The following SEPHS1 variants were observed in gnomAD, a reference collection of about 807,000 sequenced individuals.
The protein encoded by SEPHS1 is selenophosphate synthetase 1, also known as zincore component SEPHS1.
Under a neutral mutation model 39.2 loss-of-function variants are expected in SEPHS1, and 7 were observed. The observed-to-expected ratio is 0.18, with a 90% CI of 0.10 to 0.34. The LOEUF (loss-of-function observed/expected upper bound fraction) is 0.34, where lower values mean the gene tolerates loss of function less well. SEPHS1 is among the 10% of genes least tolerant of loss of function. The pLI is 1.00. For missense variants in SEPHS1, 253 were observed against 514.5 expected (o/e 0.49, Z 4.92); for synonymous variants, 190 against 195.5 (o/e 0.97, Z 0.23).
rs756726696 is a variant in SEPHS1 at position 13,341,978 on chromosome 10, G to GAA, written c.193+2778_193+2779dup. Among the ~76,000 whole-genome samples, 548 of 108,952 alleles carry GAA rather than the reference G, an allele frequency of 5.0e-3. 9 individuals carry two copies. The highest frequency in any genetic ancestry group is 0.029 in the Admixed American group (296 of 10,366). The allele number at this position is 108,952 out of a possible 152,430, so 71.5% of individuals were successfully genotyped here. A position where few individuals can be genotyped will look rare whatever the true frequency, so the allele number is the denominator to read the frequency against. On this transcript the variant is annotated intron_variant, in intron 2 of 8. Transcript: ENST00000327347. ...TGATGGAGTGAGACTCTATCTCAAG[G>GAA]AAAAAAAAAAAAAAAAGATGGCGGG...
chr10:13,347,106 T>A (rs1248120861), intron 1 of SEPHS1, among the ~76,000 whole-genome samples: 1 of 152,304 alleles, frequency 6.6e-6, no homozygotes, highest in South Asian at 2.1e-4. Context: ...CGCAGCCACA[T>A]GTTTACGCCT....
intron 7 of SEPHS1, among the ~76,000 whole-genome samples, chr10:13,324,355 G>A (rs1288642743): frequency 6.6e-6 from 1 of 152,184 alleles, no homozygotes; most frequent in Non-Finnish European, 1.5e-5. Context: ...ATGAATGGCT[G>A]CTTCCAAGTT....
chr10:13,322,078 A>G (rs553057969), intron 8 of SEPHS1: 62 of 455,332 alleles, frequency 1.4e-4, no homozygotes, highest in Non-Finnish European at 2.5e-4. Flanking sequence ...AAGAAAAAAG[A>G]AAAATGGCAT....
chr10:13,342,498 A>C (rs1167045074), intron 2 of SEPHS1, among the ~76,000 whole-genome samples: 2 of 151,542 alleles, frequency 1.3e-5, no homozygotes, highest in Non-Finnish European at 2.9e-5. Flanking sequence ...GCAGGAGATC[A>C]CTGCTTGAAC....
chr10:13,324,474 T>C (rs548681456), intron 7 of SEPHS1, among the ~76,000 whole-genome samples: 36 of 152,368 alleles, frequency 2.4e-4, no homozygotes, highest in Middle Eastern at 3.4e-3. Context: ...CGCTGCATCA[T>C]ATAATAACAT....
intron 5 of SEPHS1, among the ~76,000 whole-genome samples, chr10:13,332,053 C>G (rs982316571): frequency 6.6e-6 from 1 of 152,200 alleles, no homozygotes; most frequent in Admixed American, 6.5e-5. Context: ...CCCAAGAGAC[C>G]GGAACTTATG....
intron 8 of SEPHS1, among the ~76,000 whole-genome samples, chr10:13,322,381 C>T (rs369866087): frequency 2.0e-5 from 3 of 151,908 alleles, no homozygotes; most frequent in South Asian, 4.2e-4. Context: ...CCTGATCTCA[C>T]GTGATGTGCC....
In SEPHS1 at chr10:13,320,425, C is replaced by T. The variant is rs887761984; in HGVS notation, c.965-1069G>A. On this transcript the variant is annotated intron_variant, in intron 8 of 8. Transcript: ENST00000327347. Reference sequence around the variant, plus strand: ...CTCGATCTCCTGACCTCGTGATCCACCCGCCTTGGCCTCCCAAAGTGCTGG... The same window carrying T: ...CTCGATCTCCTGACCTCGTGATCCATCCGCCTTGGCCTCCCAAAGTGCTGG... Among the ~76,000 whole-genome samples, 5 of 152,016 alleles carry T rather than the reference C, an allele frequency of 3.3e-5. No individual in the cohort carries two copies. In the South Asian group the frequency reaches 1.0e-3, roughly 32 times the overall value.
At chr10:13,327,590 T>A (rs555998869) in intron 7 of SEPHS1, among the ~76,000 whole-genome samples, 7 of 152,206 alleles carry the variant, frequency 4.6e-5, no homozygotes, top group Non-Finnish European at 8.8e-5. Flanking sequence ...AGAAGACATA[T>A]TAAAAAACGC....
At chr10:13,319,466 A>C in intron 8 of SEPHS1, 110 bp from the exon 9 acceptor site, 1 of 1,073,520 alleles carries the variant, frequency 9.3e-7, no homozygotes, top group Non-Finnish European at 1.4e-6. Flanking sequence ...TGCCACCTAT[A>C]TGCAAGTAGC....
chr10:13,328,285 A>C (rs1588537371), intron 7 of SEPHS1, 66 bp downstream of exon 7: 9 of 1,129,414 alleles, frequency 8.0e-6, no homozygotes, highest in Non-Finnish European at 1.1e-5. Context: ...GTATGTGGCC[A>C]GAAAAGCCTA....
rs1219521809 is a variant in SEPHS1, at chr10:13,348,233, G to A, written c.-312C>T. The A allele has an allele frequency of 1.4e-5, 2 of 147,874 alleles. No individual in the cohort carries two copies. The highest frequency in any genetic ancestry group is 1.3e-4 in the Admixed American group (2 of 14,942). 9.2% of individuals were successfully genotyped at this position (147,874 alleles called of 1,614,324 possible). ...GCTCCCGCCGGCTGGGCGCGCGGGG[G>A]TCCTTTAAGGCCGGCCACCTCCCTT... On this transcript the variant is annotated 5_prime_UTR_variant, in exon 1 of 9. Transcript: ENST00000327347.
intron 1 of SEPHS1, 200 bp from the exon 2 acceptor site, chr10:13,345,228 A>T: frequency 7.4e-6 from 2 of 269,664 alleles, no homozygotes; most frequent in Non-Finnish European, 1.4e-5. Context: ...CATCTATGTA[A>T]AATCTGACAT....
At chr10:13,330,836 TAAA>T (rs745588149) in intron 5 of SEPHS1, among the ~76,000 whole-genome samples, 1,630 of 139,324 alleles carry the variant, frequency 0.012, 75 homozygotes, top group Admixed American at 0.088. Flanking sequence ...TCTTTTTTTT[TAAA>T]TTTTTTAAAA....
At chr10:13,328,520 G>T in intron 6 of SEPHS1, 70 bp from the exon 7 acceptor site, 1 of 1,051,688 alleles carries the variant, frequency 9.5e-7, no homozygotes, top group Non-Finnish European at 1.4e-6. Flanking sequence ...TCTAGCAACT[G>T]AGAAAAACAG....
chr10:13,323,639 C>T (rs1444352162), intron 7 of SEPHS1, among the ~76,000 whole-genome samples: 1 of 152,006 alleles, frequency 6.6e-6, no homozygotes, highest in Non-Finnish European at 1.5e-5. Context: ...AGATGTGAGC[C>T]ACCACACCCG....
intron 3 of SEPHS1, among the ~76,000 whole-genome samples, chr10:13,337,037 G>C (rs549087197): frequency 1.3e-5 from 2 of 152,270 alleles, no homozygotes; most frequent in Admixed American, 6.5e-5. Flanking sequence ...TGTAGTCTCA[G>C]CTACTTGGGA....
In SEPHS1 at chr10:13,328,461, A is replaced by T; in HGVS notation, c.652-11T>A. The T allele has an allele frequency of 6.4e-7, 1 of 1,561,850 alleles. No homozygotes were observed. The highest frequency in any genetic ancestry group is 8.8e-7 in the Non-Finnish European group (1 of 1,133,630). ...ATTCCATTTCTCAGGCTGATAATAG[A>T]AATGTAGGTGAGGGAGAGAAAGAGA... is the stretch of plus-strand genomic sequence containing the variant. On this transcript the variant is annotated splice_polypyrimidine_tract_variant and intron_variant, in intron 6 of 8. Coordinates refer to ENST00000327347, the MANE Select transcript of SEPHS1 (RefSeq NM_012247.5).
At chr10:13,335,851 G>A (rs572563682) in intron 4 of SEPHS1, among the ~76,000 whole-genome samples, 235 of 151,386 alleles carry the variant, frequency 1.6e-3, no homozygotes, top group Non-Finnish European at 2.9e-3. Flanking sequence ...GTGGTGGTAC[G>A]TGCCTGTAAT....
Sources: allele counts gnomAD v4.1 joint callset (sites outside exome capture counted in the v4.1 genomes callset), GRCh38; gene constraint gnomAD v4.1.1; transcripts MANE v1.5; gene names NCBI Gene and HGNC (gene_info 2026-07-23, HGNC 2026-07-21).